The following KMT2E variants were observed in gnomAD, a reference collection of about 807,000 sequenced individuals.
KMT2E encodes lysine methyltransferase 2E (inactive).
Under a neutral mutation model 184.6 loss-of-function variants are expected in KMT2E, and 30 were observed. That is an observed-to-expected ratio of 0.16 (90% confidence interval 0.12 to 0.22). The LOEUF (loss-of-function observed/expected upper bound fraction) is 0.22. Among genes scored for constraint, KMT2E ranks in the 10% least tolerant of loss-of-function variants. The pLI is 1.00. For synonymous variants in KMT2E, 815 were observed against 776.5 expected (o/e 1.05, Z -0.82); for missense variants, 2,023 against 2,237.4 (o/e 0.90, Z 1.93).
intron 22 of KMT2E, 160 bp from the exon 23 acceptor site, chr7:105,108,782 T>C (rs376861654): frequency 6.4e-6 from 4 of 628,636 alleles, no homozygotes; most frequent in African/African-American, 5.5e-5. Context: ...GCCTGGAATA[T>C]AGTAGGCATT....
intron 1 of KMT2E, among the ~76,000 whole-genome samples, chr7:105,035,388 C>G (rs1795604077): frequency 6.6e-6 from 1 of 151,410 alleles, no homozygotes; most frequent in Admixed American, 6.6e-5. Flanking sequence ...AGACTGGTCT[C>G]GAACTCCTGA....
At chr7:105,065,753 C>T (rs190563783) in intron 5 of KMT2E, among the ~76,000 whole-genome samples, 3 of 152,176 alleles carry the variant, frequency 2.0e-5, no homozygotes, top group African/African-American at 7.2e-5. Context: ...TGGTTGAACA[C>T]AGGTAAATGA....
chr7:105,087,580 C>T (rs536729815), intron 13 of KMT2E, among the ~76,000 whole-genome samples: 4 of 151,600 alleles, frequency 2.6e-5, no homozygotes, highest in South Asian at 4.2e-4. Flanking sequence ...CACACTGCCA[C>T]GCCTAGCTAA....
At chr7:105,051,099 TC>T (rs1796325827) in intron 3 of KMT2E, among the ~76,000 whole-genome samples, 1 of 72,874 alleles carries the variant, frequency 1.4e-5, no homozygotes, top group Admixed American at 1.5e-4. Context: ...CTTTTTTCTC[TC>T]TCTCTCTCTT....
chr7:105,096,126 A>G (rs1798400294), intron 15 of KMT2E, among the ~76,000 whole-genome samples: 1 of 151,812 alleles, frequency 6.6e-6, no homozygotes, highest in Non-Finnish European at 1.5e-5. Context: ...ATGGTGGCAC[A>G]TGCCTATAAT....
chr7:105,018,481 C>G (rs774887082), intron 1 of KMT2E, among the ~76,000 whole-genome samples: 30 of 152,144 alleles, frequency 2.0e-4, no homozygotes, highest in Non-Finnish European at 3.7e-4. Context: ...ATTTACATCT[C>G]AAATATGTAG....
intron 17 of KMT2E, chr7:105,103,908 A>C (rs1411088356): frequency 1.4e-5 from 2 of 146,562 alleles, no homozygotes; most frequent in African/African-American, 5.1e-5. Flanking sequence ...GCTCACTGCA[A>C]GCTCCGCCTC....
At chr7:105,038,746 A>G (rs955844704) in intron 2 of KMT2E, among the ~76,000 whole-genome samples, 3 of 152,184 alleles carry the variant, frequency 2.0e-5, no homozygotes, top group Non-Finnish European at 4.4e-5. Flanking sequence ...TAAAAAAACT[A>G]TGATTTGACC....
intron 1 of KMT2E, among the ~76,000 whole-genome samples, chr7:105,035,134 C>T (rs1050584206): frequency 1.5e-4 from 22 of 150,938 alleles, no homozygotes; most frequent in Non-Finnish European, 2.1e-4. Flanking sequence ...ATGCCATTCT[C>T]CTGCCTCAGC....
At chr7:105,031,159 A>G (rs1365556166) in intron 1 of KMT2E, among the ~76,000 whole-genome samples, 1 of 143,470 alleles carries the variant, frequency 7.0e-6, no homozygotes, top group South Asian at 2.2e-4. Flanking sequence ...GAGATCGAAA[A>G]CAGCCTGGCC....
At chr7:105,089,399 A>T (rs1466141884) in intron 13 of KMT2E, 1 of 283,384 alleles carries the variant, frequency 3.5e-6, no homozygotes, top group Non-Finnish European at 7.0e-6. Context: ...GGGTTTCACC[A>T]TGTTGGCCAG....
At chr7:105,110,220 C>A in intron 23 of KMT2E, 60 bp from the exon 24 acceptor site, 1 of 1,310,122 alleles carries the variant, frequency 7.6e-7, no homozygotes, top group Non-Finnish European at 1.1e-6. Flanking sequence ...GACTATGAAG[C>A]AACAATGTAA....
intron 3 of KMT2E, among the ~76,000 whole-genome samples, chr7:105,044,288 T>TAA (rs1796008555): frequency 6.6e-6 from 1 of 152,212 alleles, no homozygotes; most frequent in Non-Finnish European, 1.5e-5. Flanking sequence ...ATTAAGTAAA[T>TAA]AATCAACAGT....
rs759644367 is a variant in KMT2E, at chr7:105,112,057, C to G, written c.4301C>G (p.Ser1434Cys). 1 of 1,614,222 alleles carries G rather than the reference C, an allele frequency of 6.2e-7. No homozygotes were observed. Among genetic ancestry groups the G allele is most frequent in the South Asian group, 1.1e-5 (1 of 91,082 alleles). ...GAGCAACTTTCACAAAAGCTGCCTT[C>G]TGTGCCAACAAAGTTGCACTGTCCT... Reference protein sequence around the residue: ...SSEQLSQKLPSVPTKLHCPPS... With the variant: ...SSEQLSQKLPCVPTKLHCPPS... The change falls in exon 27 of 27, where the codon TCT (serine) becomes TGT (cysteine). Residue 1434 changes from serine (S) to cysteine (C), a missense_variant. By Grantham distance (112) the Ser-to-Cys change is moderately radical. Transcript: ENST00000311117.
intron 8 of KMT2E, 60 bp downstream of exon 8, chr7:105,074,875 A>G (rs1797463442): frequency 7.9e-7 from 1 of 1,267,556 alleles, no homozygotes; most frequent in Non-Finnish European, 1.1e-6. Context: ...ACTGAATTTT[A>G]TAGGAGAGGC....
intron 19 of KMT2E, among the ~76,000 whole-genome samples, chr7:105,106,315 T>TCCAGGCAAGGTAAC (rs372705310): frequency 6.6e-6 from 1 of 152,158 alleles, no homozygotes; most frequent in Non-Finnish European, 1.5e-5. Context: ...CTATAATCCC[T>TCCAGGCAAGGTAAC]CCAGGCAAGG....
intron 5 of KMT2E, among the ~76,000 whole-genome samples, chr7:105,064,714 A>G (rs1296137836): frequency 6.6e-6 from 1 of 152,080 alleles, no homozygotes; most frequent in East Asian, 1.9e-4. Context: ...ATAACCTGTA[A>G]TACATTCTAC....
Position 105,110,821 on chromosome 7 carries a change from C to A in KMT2E, c.4021C>A (p.Pro1341Thr). Residue 1341 changes from proline (P) to threonine (T), a missense_variant, in exon 26 of 27, where the codon CCA (proline) becomes ACA (threonine). Coordinates refer to ENST00000311117, the MANE Select transcript of KMT2E (RefSeq NM_182931.3). ...EPTTTNECPS[P>T]DTSQNTCKSP... ...CACAACTACGAATGAATGTCCATCC[C>A]CAGATACTTCTCAAAATACTTGTAA... is the stretch of plus-strand genomic sequence containing the variant. 6.2e-7 allele frequency: 1 copy of A among 1,614,072 alleles called. No individual in the cohort carries two copies. Among genetic ancestry groups the A allele is most frequent in the South Asian group, 1.1e-5 (1 of 91,084 alleles).
At chr7:105,019,960 T>C (rs907299447) in intron 1 of KMT2E, among the ~76,000 whole-genome samples, 3 of 151,512 alleles carry the variant, frequency 2.0e-5, no homozygotes, top group African/African-American at 4.9e-5. Context: ...TTACAAAAAT[T>C]AGCCGGGCGT....
Sources: allele counts gnomAD v4.1 joint callset (sites outside exome capture counted in the v4.1 genomes callset), GRCh38; gene constraint gnomAD v4.1.1; transcripts MANE v1.5; gene names NCBI Gene and HGNC (gene_info 2026-07-23, HGNC 2026-07-21).